Variants in ERGIC2 observed in about 807,000 individuals in gnomAD.
The protein encoded by ERGIC2 is endoplasmic reticulum-Golgi intermediate compartment protein 2.
In ERGIC2, 31 loss-of-function variants were observed where a neutral mutation model predicts 52.5. The ratio of observed to expected loss-of-function variants is 0.59; its 90% CI spans 0.44 to 0.80. ERGIC2 has a LOEUF of 0.80. Ranked by LOEUF, ERGIC2 falls within the 30% of genes least tolerant of loss-of-function variation. ERGIC2 has a pLI of 0.00. For synonymous variants in ERGIC2, 129 were observed against 140.6 expected (o/e 0.92, Z 0.58); for missense variants, 395 against 455.2 (o/e 0.87, Z 1.20).
At position 29,340,954 on chromosome 12, in the gene ERGIC2, T is replaced by G. The variant is rs1285635428; in HGVS notation, c.*202A>C. ...GCTTCTTCATCGTTTAGCTGCATGATTTCTTCTACGACATTTGTAACAGAC... is the reference window on the plus strand; with the variant it reads ...GCTTCTTCATCGTTTAGCTGCATGAGTTCTTCTACGACATTTGTAACAGAC... On this transcript the variant is annotated 3_prime_UTR_variant, in exon 14 of 14. Coordinates refer to ENST00000360150, the MANE Select transcript of ERGIC2 (RefSeq NM_016570.3). The G allele has an allele frequency of 8.7e-6, 5 of 573,832 alleles. No individual in the cohort carries two copies. The highest frequency in any genetic ancestry group is 1.3e-5 in the Non-Finnish European group (4 of 318,142). The allele number at this position is 573,832 out of a possible 1,614,324, so 35.5% of individuals were successfully genotyped here.
At chr12:29,365,529 C>G (rs141821211) in intron 5 of ERGIC2, among the ~76,000 whole-genome samples, 7 of 151,844 alleles carry the variant, frequency 4.6e-5, no homozygotes, top group Non-Finnish European at 8.8e-5. Flanking sequence ...GTGATGGGAT[C>G]AATCATAACC....
In ERGIC2 at chr12:29,371,634, C is replaced by T. The variant is rs1940442898; in HGVS notation, c.-1G>A. The T allele has an allele frequency of 2.5e-6, 4 of 1,608,530 alleles. No individual in the cohort carries two copies. The highest frequency in any genetic ancestry group is 3.4e-6 in the Non-Finnish European group (4 of 1,175,428). The stretch of plus-strand genomic sequence containing the variant: ...TTTTTTTCCGATTCAGTCGCCTCAT[C>T]TTCAGGAAAACCTTCCTCTTCCTTC... On this transcript the variant is annotated 5_prime_UTR_variant, in exon 2 of 14. Coordinates refer to ENST00000360150, the MANE Select transcript of ERGIC2 (RefSeq NM_016570.3).
At position 29,343,154 on chromosome 12, in the gene ERGIC2, G is replaced by A. The variant is rs910462538; in HGVS notation, c.954C>T (p.Leu318=). Residue 318 remains leucine, a synonymous_variant, in exon 12 of 14, where the codon CTC becomes CTT. Coordinates refer to ENST00000360150, the MANE Select transcript of ERGIC2 (RefSeq NM_016570.3). ...HMPFWQFFVR[L]CGIVGGIFST... ...AAAAGATTCCTCCAACAATACCACAGAGTCTTACAAAAAACTGCCAGAATG... is the reference window on the plus strand; with the variant it reads ...AAAAGATTCCTCCAACAATACCACAAAGTCTTACAAAAAACTGCCAGAATG... 2 of 1,610,610 alleles carry A rather than the reference G, an allele frequency of 1.2e-6. No individual in the cohort carries two copies. The highest frequency in any genetic ancestry group is 1.7e-6 in the Non-Finnish European group (2 of 1,177,892).
intron 5 of ERGIC2, among the ~76,000 whole-genome samples, chr12:29,365,072 G>A (rs1012408690): frequency 1.3e-5 from 2 of 151,756 alleles, no homozygotes; most frequent in African/African-American, 4.8e-5. Flanking sequence ...AAAGAACGTA[G>A]AGTATTATTT....
intron 10 of ERGIC2, among the ~76,000 whole-genome samples, chr12:29,347,213 T>TAGGC (rs1321878007): frequency 6.6e-6 from 1 of 152,190 alleles, no homozygotes; most frequent in East Asian, 1.9e-4. Context: ...TTAGATAGTA[T>TAGGC]AGGCATTCTC....
intron 1 of ERGIC2, among the ~76,000 whole-genome samples, chr12:29,373,949 A>G (rs1940479137): frequency 6.6e-6 from 1 of 152,178 alleles, no homozygotes. Context: ...TTTTAGTAGT[A>G]ACTGCACAAA....
chr12:29,372,777 T>A (rs1940460912), intron 1 of ERGIC2: 1 of 151,736 alleles, frequency 6.6e-6, no homozygotes, highest in South Asian at 2.1e-4. Flanking sequence ...CGCCTCAGCC[T>A]CCCAAATAGC....
At chr12:29,378,459 G>A (rs568680170) in intron 1 of ERGIC2, among the ~76,000 whole-genome samples, 22 of 152,184 alleles carry the variant, frequency 1.4e-4, no homozygotes, top group African/African-American at 4.8e-4. Flanking sequence ...TCAGGCCATC[G>A]CTGAATATCA....
intron 5 of ERGIC2, among the ~76,000 whole-genome samples, chr12:29,363,219 T>C (rs1247108575): frequency 6.6e-6 from 1 of 152,158 alleles, no homozygotes; most frequent in Non-Finnish European, 1.5e-5. Flanking sequence ...CTTTTAAAAA[T>C]TCTTCTTGTC....
At chr12:29,354,229 G>C (rs1246709630) in intron 8 of ERGIC2, among the ~76,000 whole-genome samples, 1 of 152,168 alleles carries the variant, frequency 6.6e-6, no homozygotes, top group Non-Finnish European at 1.5e-5. Context: ...GCTATATAAA[G>C]TTGTAGTTTT....
intron 6 of ERGIC2, among the ~76,000 whole-genome samples, chr12:29,359,843 G>T (rs895825207): frequency 6.6e-6 from 1 of 151,782 alleles, no homozygotes; most frequent in Non-Finnish European, 1.5e-5. Context: ...ACATAACCTA[G>T]AAAATAAAAA....
At chr12:29,350,735 T>C (rs1013047125) in intron 8 of ERGIC2, among the ~76,000 whole-genome samples, 12 of 152,066 alleles carry the variant, frequency 7.9e-5, no homozygotes, top group African/African-American at 2.4e-4. Context: ...AAATTTCCTT[T>C]GTATTTGCAT....
chr12:29,368,482 C>T (rs1335670217), intron 3 of ERGIC2, among the ~76,000 whole-genome samples, 195 bp from the exon 4 acceptor site: 1 of 151,822 alleles, frequency 6.6e-6, no homozygotes, highest in East Asian at 1.9e-4. Context: ...ATTCCAAAAG[C>T]CTTTCTGACT....
At chr12:29,352,935 G>A (rs1380351119) in intron 8 of ERGIC2, among the ~76,000 whole-genome samples, 1 of 152,048 alleles carries the variant, frequency 6.6e-6, no homozygotes, top group Non-Finnish European at 1.5e-5. Context: ...TCACAATCCT[G>A]CTTTACCCAG....
chr12:29,342,228 A>G (rs1317590609), intron 12 of ERGIC2, among the ~76,000 whole-genome samples: 1 of 152,136 alleles, frequency 6.6e-6, no homozygotes, highest in Non-Finnish European at 1.5e-5. Flanking sequence ...GGCCAGGCTG[A>G]TCTGGAACTT....
chr12:29,379,493 ATTATT>A (rs1203424669), intron 1 of ERGIC2, among the ~76,000 whole-genome samples: 1 of 152,218 alleles, frequency 6.6e-6, no homozygotes, highest in African/African-American at 2.4e-5. Flanking sequence ...TCAGAAAGAT[ATTATT>A]TTAAACAATA....
intron 5 of ERGIC2, among the ~76,000 whole-genome samples, chr12:29,364,177 A>C (rs1313445846): frequency 6.6e-6 from 1 of 152,134 alleles, no homozygotes; most frequent in Non-Finnish European, 1.5e-5. Flanking sequence ...ATGGGTAATA[A>C]AAGATAATAG....
rs1009843673 is a variant in ERGIC2 at position 29,338,710 on chromosome 12, A to G, written c.*2446T>C. 6.6e-6 allele frequency: 1 copy of G among 152,166 alleles called. No individual in the cohort carries two copies. Among genetic ancestry groups the G allele is most frequent in the African/African-American group, 2.4e-5 (1 of 41,436 alleles). The allele number at this position is 152,166 out of a possible 1,614,324, so 9.4% of individuals were successfully genotyped here. ...AAGCTTTTCCTAAGAGGTAGTCTGA[A>G]GTGTACAAATACTGCAGCAGGGAAT... On this transcript the variant is annotated 3_prime_UTR_variant, in exon 14 of 14. Coordinates refer to ENST00000360150, the MANE Select transcript of ERGIC2 (RefSeq NM_016570.3).
intron 10 of ERGIC2, 128 bp from the exon 11 acceptor site, chr12:29,345,668 C>T (rs1276101994): frequency 6.1e-6 from 4 of 651,590 alleles, no homozygotes; most frequent in South Asian, 1.7e-5. Context: ...AATCTCAGCA[C>T]TTTGGGAGGC....
Sources: allele counts gnomAD v4.1 joint callset (sites outside exome capture counted in the v4.1 genomes callset), GRCh38; gene constraint gnomAD v4.1.1; transcripts MANE v1.5; gene names NCBI Gene and HGNC (gene_info 2026-07-23, HGNC 2026-07-21).